The following PDE6A variants were observed in gnomAD, a reference collection of about 807,000 sequenced individuals.
PDE6A encodes the protein phosphodiesterase 6A.
In PDE6A, 84 loss-of-function variants were observed where a neutral mutation model predicts 106.3. The observed-to-expected ratio is 0.79, with a 90% CI of 0.66 to 0.95. PDE6A has a LOEUF of 0.95. Among genes scored for constraint, PDE6A ranks in the 40% least tolerant of loss-of-function variants. PDE6A has a pLI of 0.00. For synonymous variants in PDE6A, 394 were observed against 386.6 expected, an observed-to-expected ratio of 1.02 and a Z score of -0.23; for missense variants, 1,052 against 1,084.9, an observed-to-expected ratio of 0.97 and a Z score of 0.43.
At chr5:149,924,428 G>T (rs936506835) in intron 4 of PDE6A, among the ~76,000 whole-genome samples, 6 of 149,260 alleles carry the variant, frequency 4.0e-5, no homozygotes, top group Non-Finnish European at 7.4e-5. Flanking sequence ...TATATATTTA[G>T]TTATAAGAAT....
Position 149,896,045 on chromosome 5 carries a change from AC to A in PDE6A, c.1620+310del, listed in dbSNP as rs1752738604. On this transcript the variant is annotated intron_variant, in intron 12 of 21. Coordinates refer to ENST00000255266, the MANE Select transcript of PDE6A (RefSeq NM_000440.3). Reference sequence around the variant, plus strand: ...AGCCCTGTTTAAATGGGTTTAGCCCACATTTTCTGCCCTCATTTAACTATAG... The same window carrying A: ...AGCCCTGTTTAAATGGGTTTAGCCCAATTTTCTGCCCTCATTTAACTATAG... Among the ~76,000 whole-genome samples the A allele has an allele frequency of 2.0e-5, 3 of 152,314 alleles. No individual in the cohort carries two copies. The East Asian group carries it at 5.8e-4, about 29-fold the overall frequency.
chr5:149,929,653 AAC>A (rs1417935158), intron 4 of PDE6A, among the ~76,000 whole-genome samples: 2 of 143,896 alleles, frequency 1.4e-5, no homozygotes, highest in African/African-American at 5.5e-5. Flanking sequence ...AAAGAAGCCA[AAC>A]ACAAAAGCAT....
At chr5:149,926,075 G>A (rs1225008794) in intron 4 of PDE6A, among the ~76,000 whole-genome samples, 10 of 151,804 alleles carry the variant, frequency 6.6e-5, no homozygotes, top group Admixed American at 5.9e-4. Context: ...AACCCCATCT[G>A]TACTAAAAAT....
chr5:149,944,375 C>T lies in PDE6A; in HGVS notation c.299G>A (p.Arg100Gln), dbSNP rs199738915. Residue 100 changes from arginine (R) to glutamine (Q), a missense_variant, in exon 1 of 22, where the codon CGG becomes CAG. Physicochemically the swap from Arg to Gln is conservative, Grantham distance 43 (BLOSUM62 1). This residue lies in a region of PDE6A where 913 missense variants were observed against 915.2 expected (regional missense o/e 1.00). Coordinates refer to ENST00000255266, the MANE Select transcript of PDE6A (RefSeq NM_000440.3). ...QADRMSLFMY[R>Q]TRNGIAELAT... ...CAGCTCTGCGATGCCATTGCGGGTC[C>T]GGTACATGAACAGGCTCATGCGGTC... The T allele has an allele frequency of 3.9e-4, 635 of 1,614,050 alleles. 4 individuals are homozygous for T. The highest frequency in any genetic ancestry group is 3.3e-3 in the South Asian group (304 of 91,064).
intron 5 of PDE6A, among the ~76,000 whole-genome samples, chr5:149,918,238 G>A (rs1024902816): frequency 6.6e-6 from 1 of 152,240 alleles, no homozygotes; most frequent in Non-Finnish European, 1.5e-5. Flanking sequence ...GTCTGGAGAT[G>A]ATGTAAGGTC....
At position 149,929,634 on chromosome 5, in the gene PDE6A, A is replaced by AAATG. The variant is rs1314527631; in HGVS notation, c.858+1393_858+1394insCATT. Among the ~76,000 whole-genome samples the AAATG allele has an allele frequency of 3.3e-5, 5 of 151,782 alleles. No individual in the cohort carries two copies. In the East Asian group the frequency reaches 9.7e-4, roughly 29 times the overall value. On this transcript the variant is annotated intron_variant, in intron 4 of 21. Transcript: ENST00000255266. ...AAAATAAATAAATAAATAAATAAAT[A>AAATG]AATAAATAAAAGAAGCCAAACACAA...
chr5:149,876,024 A>G (rs1244805234), intron 17 of PDE6A, among the ~76,000 whole-genome samples: 1 of 152,144 alleles, frequency 6.6e-6, no homozygotes, highest in Admixed American at 6.5e-5. Context: ...TATATGCTTG[A>G]AAGTCTTTCA....
chr5:149,924,308 C>A (rs1444594187), intron 4 of PDE6A, among the ~76,000 whole-genome samples: 1 of 151,938 alleles, frequency 6.6e-6, no homozygotes, highest in African/African-American at 2.4e-5. Context: ...TCATGTGGGC[C>A]AAACACTGAG....
chr5:149,900,189 A>G (rs1315865494), intron 8 of PDE6A, among the ~76,000 whole-genome samples: 1 of 151,568 alleles, frequency 6.6e-6, no homozygotes, highest in Non-Finnish European at 1.5e-5. Flanking sequence ...CCCTGTCTCT[A>G]CTAAAAATAC....
At chr5:149,907,235 T>C (rs1312760728) in intron 7 of PDE6A, 77 bp downstream of exon 7, 4 of 1,115,562 alleles carry the variant, frequency 3.6e-6, no homozygotes, top group African/African-American at 3.1e-5. Context: ...TTTTCCACTC[T>C]CTTCTTGATC....
intron 4 of PDE6A, among the ~76,000 whole-genome samples, chr5:149,930,292 A>G (rs1262438551): frequency 6.6e-6 from 1 of 152,140 alleles, no homozygotes; most frequent in Non-Finnish European, 1.5e-5. Context: ...TCAATCCAAT[A>G]TATTTGGAGA....
rs1760082612 is a variant in PDE6A, at chr5:149,860,204, T to TAA, written c.*689_*690dup. On this transcript the variant is annotated 3_prime_UTR_variant, in exon 22 of 22. Coordinates refer to ENST00000255266, the MANE Select transcript of PDE6A (RefSeq NM_000440.3). ...ACCACGCCTGGCCAGGATTTGCCTT[T>TAA]AAACACTTCAGGTAAGAAAAAAAAT... The TAA allele has an allele frequency of 6.6e-6, 1 of 152,136 alleles. No individual in the cohort carries two copies. The highest frequency in any genetic ancestry group is 1.5e-5 in the Non-Finnish European group (1 of 68,054). The allele number at this position is 152,136 out of a possible 1,614,324, so 9.4% of individuals were successfully genotyped here.
intron 3 of PDE6A, 100 bp from the exon 4 acceptor site, chr5:149,931,268 A>G: frequency 9.2e-7 from 1 of 1,084,308 alleles, no homozygotes; most frequent in South Asian, 1.3e-5. Flanking sequence ...TCTGGAGTTT[A>G]TTTCATTTAC....
intron 6 of PDE6A, among the ~76,000 whole-genome samples, chr5:149,909,793 A>T (rs1168019700): frequency 6.6e-6 from 1 of 152,158 alleles, no homozygotes; most frequent in African/African-American, 2.4e-5. Context: ...TTCAGCTCAG[A>T]ATATTTTCTA....
At chr5:149,873,957 G>T (rs564922667) in intron 17 of PDE6A, among the ~76,000 whole-genome samples, 22 of 150,964 alleles carry the variant, frequency 1.5e-4, no homozygotes, top group African/African-American at 5.1e-4. Context: ...AGTGAGCTAT[G>T]ATCATGCCAC....
intron 13 of PDE6A, among the ~76,000 whole-genome samples, chr5:149,888,097 G>A (rs1214486615): frequency 6.6e-6 from 1 of 152,076 alleles, no homozygotes; most frequent in Non-Finnish European, 1.5e-5. Context: ...TGTGTTCTCA[G>A]CACTGCACTC....
chr5:149,909,332 A>AT (rs1340431172), intron 6 of PDE6A, among the ~76,000 whole-genome samples: 2 of 152,144 alleles, frequency 1.3e-5, no homozygotes, highest in African/African-American at 4.8e-5. Flanking sequence ...AATTTTTAAA[A>AT]TTTTTTTATA....
intron 17 of PDE6A, among the ~76,000 whole-genome samples, chr5:149,876,930 G>C (rs186333966): frequency 1.3e-5 from 2 of 150,938 alleles, no homozygotes; most frequent in Non-Finnish European, 2.9e-5. Context: ...TAGATAGATA[G>C]ATACATAGAT....
intron 17 of PDE6A, among the ~76,000 whole-genome samples, chr5:149,875,471 AT>A (rs1760704893): frequency 6.6e-6 from 1 of 151,422 alleles, no homozygotes; most frequent in Non-Finnish European, 1.5e-5. Flanking sequence ...TTTATAGCAC[AT>A]TATACATACT....
Sources: gnomAD v4.1 joint callset for allele counts (sites outside exome capture counted in the v4.1 genomes callset) on GRCh38, gnomAD v4.1.1 for gene constraint, gnomAD v4.1.1 regional missense constraint, MANE v1.5 for transcripts, NCBI Gene and HGNC (gene_info 2026-07-23, HGNC 2026-07-21) for gene names.